Variants in CRCP observed in about 807,000 individuals in gnomAD.
CRCP encodes CGRP receptor component.
A neutral mutation model predicts 18.5 loss-of-function variants in CRCP; 18 were observed. The observed-to-expected ratio is 0.97, with a 90% CI of 0.67 to 1.44. The LOEUF (loss-of-function observed/expected upper bound fraction) is 1.44, where lower values mean the gene tolerates loss of function less well. CRCP is among the 40% of genes most tolerant of loss of function. CRCP has a pLI of 0.00. For synonymous variants in CRCP, 53 were observed against 62.9 expected (o/e 0.84, Z 0.75); for missense variants, 130 against 176.4 (o/e 0.74, Z 1.49).
At chr7:66,122,439 G>C (rs1787474414) in intron 1 of CRCP, among the ~76,000 whole-genome samples, 1 of 150,472 alleles carries the variant, frequency 6.6e-6, no homozygotes, top group South Asian at 2.1e-4. Flanking sequence ...TTGCTTCTAA[G>C]GAAAGTCCAC....
intron 5 of CRCP, among the ~76,000 whole-genome samples, chr7:66,146,451 A>G (rs1488530635): frequency 6.6e-6 from 1 of 152,078 alleles, no homozygotes; most frequent in Non-Finnish European, 1.5e-5. Context: ...CAGTTTAAAA[A>G]AAAAAAAGAA....
chr7:66,146,413 A>T (rs1175373661), intron 5 of CRCP, among the ~76,000 whole-genome samples: 1 of 151,924 alleles, frequency 6.6e-6, no homozygotes, highest in Non-Finnish European at 1.5e-5. Context: ...TCGGTACCTG[A>T]CAAGTGTTAA....
intron 4 of CRCP, among the ~76,000 whole-genome samples, chr7:66,142,766 G>T (rs574026809): frequency 3.1e-4 from 47 of 152,200 alleles, no homozygotes; most frequent in Non-Finnish European, 5.7e-4. Flanking sequence ...CAAAGTGTTG[G>T]GATTACAGAT....
At chr7:66,137,121 G>T (rs1179249724) in intron 4 of CRCP, among the ~76,000 whole-genome samples, 2 of 151,292 alleles carry the variant, frequency 1.3e-5, no homozygotes, top group East Asian at 1.9e-4. Context: ...TCAGTCAAAG[G>T]TTAAAAAAAA....
At chr7:66,145,348 C>G (rs533319403) in intron 4 of CRCP, 95 bp from the exon 5 acceptor site, 79 of 1,309,354 alleles carry the variant, frequency 6.0e-5, no homozygotes, top group South Asian at 4.9e-4. Context: ...GTGGTTCTCC[C>G]ATTTTTTATC....
intron 4 of CRCP, among the ~76,000 whole-genome samples, chr7:66,140,306 G>T (rs780864340): frequency 5.9e-5 from 9 of 152,142 alleles, no homozygotes; most frequent in African/African-American, 1.9e-4. Flanking sequence ...CTCAGGTTTT[G>T]TTTCCCTCCC....
intron 4 of CRCP, among the ~76,000 whole-genome samples, chr7:66,141,873 T>A (rs1788150189): frequency 6.6e-6 from 1 of 152,088 alleles, no homozygotes; most frequent in South Asian, 2.1e-4. Flanking sequence ...CTGACCCCCT[T>A]AATTCCACCA....
At chr7:66,131,365 G>A (rs1787798084) in intron 3 of CRCP, among the ~76,000 whole-genome samples, 3 of 152,172 alleles carry the variant, frequency 2.0e-5, no homozygotes, top group Non-Finnish European at 4.4e-5. Flanking sequence ...AAGGAATAGT[G>A]TAAAAGATTG....
In CRCP at chr7:66,134,379, G is replaced by C; in HGVS notation, c.239+5G>C. On this transcript the variant is annotated splice_donor_5th_base_variant and intron_variant, in intron 4 of 5. Transcript: ENST00000395326. Reference sequence around the variant, plus strand: ...GAAAAGCCACAAGTTGACCAAGTAAGTAAATCTCTTAAGTAGGAAGAGCGT... The same window carrying C: ...GAAAAGCCACAAGTTGACCAAGTAACTAAATCTCTTAAGTAGGAAGAGCGT... 1 of 1,585,866 alleles carries C rather than the reference G, an allele frequency of 6.3e-7. No individual in the cohort carries two copies. Among genetic ancestry groups the C allele is most frequent in the Middle Eastern group, 1.9e-4 (1 of 5,310 alleles).
At chr7:66,143,032 AT>A (rs1290355306) in intron 4 of CRCP, among the ~76,000 whole-genome samples, 1 of 151,964 alleles carries the variant, frequency 6.6e-6, no homozygotes, top group African/African-American at 2.4e-5. Context: ...TAAATAATGT[AT>A]TTTTTTTCTA....
At chr7:66,118,924 G>C (rs778448625) in intron 1 of CRCP, among the ~76,000 whole-genome samples, 25 of 152,214 alleles carry the variant, frequency 1.6e-4, no homozygotes, top group Non-Finnish European at 3.2e-4. Context: ...CTAAGCCTCA[G>C]AAGCAGGCCT....
chr7:66,136,814 T>A (rs1787984091), intron 4 of CRCP, among the ~76,000 whole-genome samples: 1 of 151,350 alleles, frequency 6.6e-6, no homozygotes, highest in South Asian at 2.1e-4. Context: ...GCACGGTGGC[T>A]CACACCTATA....
intron 4 of CRCP, among the ~76,000 whole-genome samples, chr7:66,140,706 A>C (rs1442944992): frequency 5.9e-5 from 9 of 151,952 alleles, no homozygotes; most frequent in Admixed American, 5.9e-4. Context: ...GAAATTTTTC[A>C]CTGTAATCTG....
chr7:66,143,013 A>C (rs1213073721), intron 4 of CRCP, among the ~76,000 whole-genome samples: 1 of 152,200 alleles, frequency 6.6e-6, no homozygotes, highest in East Asian at 1.9e-4. Flanking sequence ...ACAAACTCAA[A>C]TTTCATGTTA....
At chr7:66,134,811 G>A (rs748634369) in intron 4 of CRCP, among the ~76,000 whole-genome samples, 3 of 151,996 alleles carry the variant, frequency 2.0e-5, no homozygotes, top group African/African-American at 4.8e-5. Flanking sequence ...GCTTGGAATC[G>A]GGGAACCTGG....
At chr7:66,144,465 A>G (rs1788235566) in intron 4 of CRCP, among the ~76,000 whole-genome samples, 1 of 152,174 alleles carries the variant, frequency 6.6e-6, no homozygotes, top group Admixed American at 6.6e-5. Context: ...TTTCTAAGAG[A>G]TGACCACACA....
chr7:66,143,080 C>T (rs974483368), intron 4 of CRCP, among the ~76,000 whole-genome samples: 1 of 152,136 alleles, frequency 6.6e-6, no homozygotes, highest in Non-Finnish European at 1.5e-5. Flanking sequence ...TCCCTCACTC[C>T]TCCTCCCTGA....
chr7:66,130,123 T>TTC lies in CRCP; in HGVS notation c.46-621_46-620insTC, dbSNP rs1554333068. The TTC allele has an allele frequency of 1.3e-4, 43 of 318,550 alleles. 1 individual carries two copies. Among genetic ancestry groups the TTC allele is most frequent in the Middle Eastern group, 1.3e-3 (1 of 796 alleles). The allele number at this position is 318,550 out of a possible 1,614,324, so 19.7% of individuals were successfully genotyped here. A position where few individuals can be genotyped will look rare whatever the true frequency, so the allele number is the denominator to read the frequency against. ...TTTTTTTTTTTTTTTTTTTTTTTTT[T>TTC]CAGATGGAGTCTCGCTCTGTCACCC... is the stretch of plus-strand genomic sequence containing the variant. On this transcript the variant is annotated intron_variant, in intron 2 of 5. Transcript: ENST00000395326.
chr7:66,134,616 A>T, intron 4 of CRCP: 1 of 288,322 alleles, frequency 3.5e-6, no homozygotes, highest in Non-Finnish European at 6.3e-6. Flanking sequence ...CTGCCTGCTT[A>T]TTCTGCAAAA....
Sources: gnomAD v4.1 joint callset for allele counts (sites outside exome capture counted in the v4.1 genomes callset) on GRCh38, gnomAD v4.1.1 for gene constraint, MANE v1.5 for transcripts, NCBI Gene and HGNC (gene_info 2026-07-23, HGNC 2026-07-21) for gene names.